Variants in ALPK2 observed in about 807,000 individuals in gnomAD.
ALPK2 encodes the protein alpha kinase 2, also known as alpha-protein kinase 2.
In ALPK2, 127 loss-of-function variants were observed where a neutral mutation model predicts 163.1. The observed-to-expected ratio is 0.78, with a 90% CI of 0.67 to 0.90. The LOEUF is 0.90. ALPK2 is among the 40% of genes least tolerant of loss of function. The probability of loss-of-function intolerance (pLI) is 0.00; values close to 1 mark genes in which losing one functional copy is unlikely to be tolerated. For missense variants in ALPK2, 2,360 were observed against 2,589.6 expected, an observed-to-expected ratio of 0.91 and a Z score of 1.92; for synonymous variants, 953 against 959.1, an observed-to-expected ratio of 0.99 and a Z score of 0.12.
intron 3 of ALPK2, among the ~76,000 whole-genome samples, chr18:58,597,222 G>A (rs2052045563): frequency 6.6e-6 from 1 of 152,100 alleles, no homozygotes; most frequent in Non-Finnish European, 1.5e-5. Flanking sequence ...CCTGGGAGGT[G>A]GAGGTTGCAG....
intron 9 of ALPK2, among the ~76,000 whole-genome samples, chr18:58,516,667 G>A (rs369163697): frequency 2.0e-5 from 3 of 152,248 alleles, no homozygotes; most frequent in East Asian, 3.9e-4. Flanking sequence ...ATTATATCTC[G>A]GGTTAGAACT....
At chr18:58,558,819 C>T (rs2051808206) in intron 4 of ALPK2, among the ~76,000 whole-genome samples, 1 of 152,174 alleles carries the variant, frequency 6.6e-6, no homozygotes, top group African/African-American at 2.4e-5. Flanking sequence ...AGAAGCCAGA[C>T]ACACAAAAGC....
intron 4 of ALPK2, 37 bp from the exon 5 acceptor site, chr18:58,538,261 A>G: frequency 6.4e-7 from 1 of 1,567,786 alleles, no homozygotes; most frequent in Non-Finnish European, 8.6e-7. Context: ...AGAATTGTTC[A>G]TGGGAGAGCC....
chr18:58,592,633 C>G (rs529689216), intron 3 of ALPK2, among the ~76,000 whole-genome samples: 1 of 152,164 alleles, frequency 6.6e-6, no homozygotes, highest in Non-Finnish European at 1.5e-5. Context: ...GTGGAGGGTG[C>G]GGAATTCTGT....
intron 12 of ALPK2, among the ~76,000 whole-genome samples, chr18:58,492,288 G>A (rs969319169): frequency 2.6e-5 from 4 of 151,386 alleles, no homozygotes; most frequent in South Asian, 4.2e-4. Context: ...ATATATACGC[G>A]CACACACACA....
chr18:58,601,278 T>C (rs565353570), intron 3 of ALPK2, among the ~76,000 whole-genome samples: 152 of 151,878 alleles, frequency 1.0e-3, no homozygotes, highest in Admixed American at 1.8e-3. Flanking sequence ...ATAAAAAAAT[T>C]ATAGGCAAGG....
intron 2 of ALPK2, among the ~76,000 whole-genome samples, chr18:58,610,900 G>T (rs2052125523): frequency 6.6e-6 from 1 of 152,122 alleles, no homozygotes; most frequent in South Asian, 2.1e-4. Context: ...TTCAAGACCA[G>T]CCTGACCAAC....
intron 1 of ALPK2, among the ~76,000 whole-genome samples, chr18:58,622,074 T>C (rs1317124981): frequency 2.7e-5 from 4 of 148,254 alleles, no homozygotes; most frequent in African/African-American, 9.9e-5. Flanking sequence ...AGGCCGGGCA[T>C]AGTGGCTCAC....
intron 4 of ALPK2, among the ~76,000 whole-genome samples, chr18:58,546,914 T>G (rs72937519): frequency 0.14 from 20,710 of 152,118 alleles, 1,671 homozygotes; most frequent in East Asian, 0.19. Context: ...CTGAATAGTC[T>G]CTGGGGGGTT....
At chr18:58,587,108 C>A (rs764597988) in intron 3 of ALPK2, among the ~76,000 whole-genome samples, 1 of 152,160 alleles carries the variant, frequency 6.6e-6, no homozygotes, top group Non-Finnish European at 1.5e-5. Flanking sequence ...ATGCTTCATA[C>A]CTCAACATGC....
intron 3 of ALPK2, chr18:58,580,809 C>T (rs753543125): frequency 1.1e-5 from 5 of 474,244 alleles, no homozygotes; most frequent in Middle Eastern, 5.5e-4. Context: ...CTGAGGATTG[C>T]ACCATGACAG....
intron 10 of ALPK2, among the ~76,000 whole-genome samples, chr18:58,504,504 T>C (rs1427979819): frequency 6.6e-6 from 1 of 152,182 alleles, no homozygotes; most frequent in African/African-American, 2.4e-5. Context: ...CCTTCCTTCC[T>C]TCCATCTATC....
In ALPK2 at chr18:58,629,011, C is replaced by T. The variant is rs749348275; in HGVS notation, c.-268G>A. 2.6e-5 allele frequency: 4 copies of T among 152,184 alleles called. No individual in the cohort carries two copies. The highest frequency in any genetic ancestry group is 4.8e-5 in the African/African-American group (2 of 41,434). The allele number at this position is 152,184 out of a possible 1,614,324, so 9.4% of individuals were successfully genotyped here. A position where few individuals can be genotyped will look rare whatever the true frequency, so the allele number is the denominator to read the frequency against. On this transcript the variant is annotated 5_prime_UTR_variant, in exon 1 of 13. Transcript: ENST00000361673. ...TTCTGGAAGAAGAGCATTTTTTCCC[C>T]GCCCTTCAGTGAACTAGGTCATTGC...
intron 3 of ALPK2, among the ~76,000 whole-genome samples, chr18:58,598,771 C>T (rs1024936208): frequency 4.6e-5 from 7 of 152,158 alleles, no homozygotes; most frequent in African/African-American, 7.2e-5. Context: ...TAACACATCA[C>T]GATTTCTACA....
At chr18:58,487,208 A>G (rs35269051) in intron 12 of ALPK2, among the ~76,000 whole-genome samples, 39,954 of 152,032 alleles carry the variant, frequency 0.26, 5,385 homozygotes, top group Non-Finnish European at 0.29. Context: ...GGAGCAGGGG[A>G]GGCCCTCAAT....
At position 58,531,649 on chromosome 18, in the gene ALPK2, A is replaced by AAAG. The variant is rs997892787; in HGVS notation, c.5354-2412_5354-2411insCTT. On this transcript the variant is annotated intron_variant, in intron 5 of 12. Transcript: ENST00000361673. ...CGAACAACTAGAAGGTGATAAGTTG[A>AAAG]AAAAAAAAAAAAAAAAAGGACGGGC... Among the ~76,000 whole-genome samples the AAAG allele has an allele frequency of 9.0e-4, 3 of 3,350 alleles. No individual in the cohort carries two copies. In the Non-Finnish European group the frequency reaches 0.016, roughly 18 times the overall value. The allele number at this position is 3,350 out of a possible 152,430, so 2.2% of individuals were successfully genotyped here.
At chr18:58,487,772 A>G (rs2051347395) in intron 12 of ALPK2, among the ~76,000 whole-genome samples, 1 of 152,200 alleles carries the variant, frequency 6.6e-6, no homozygotes, top group Admixed American at 6.5e-5. Context: ...CTGTAATCCC[A>G]GCACTTTGGG....
At chr18:58,564,525 TG>T (rs2051841544) in intron 4 of ALPK2, among the ~76,000 whole-genome samples, 1 of 152,026 alleles carries the variant, frequency 6.6e-6, no homozygotes, top group African/African-American at 2.4e-5. Context: ...CAGTTTATGG[TG>T]GGGGTTTTTG....
chr18:58,525,289 T>C (rs2051578496), intron 6 of ALPK2, among the ~76,000 whole-genome samples: 1 of 152,194 alleles, frequency 6.6e-6, no homozygotes, highest in Admixed American at 6.5e-5. Flanking sequence ...TCTGAACATA[T>C]CCCACTGTAT....
Sources: allele counts gnomAD v4.1 joint callset (sites outside exome capture counted in the v4.1 genomes callset), GRCh38; gene constraint gnomAD v4.1.1; transcripts MANE v1.5; gene names NCBI Gene and HGNC (gene_info 2026-07-23, HGNC 2026-07-21).